The following SLC24A5 variants were observed in gnomAD, a reference collection of about 807,000 sequenced individuals.
SLC24A5 encodes sodium/potassium/calcium exchanger 5.
In SLC24A5, 46 loss-of-function variants were observed where a neutral mutation model predicts 51.6. The ratio of observed to expected loss-of-function variants is 0.89; its 90% CI spans 0.70 to 1.14. The LOEUF (loss-of-function observed/expected upper bound fraction) is 1.14. SLC24A5 is among the 50% of genes most tolerant of loss of function. The probability of loss-of-function intolerance (pLI) is 0.00; values close to 1 mark genes in which losing one functional copy is unlikely to be tolerated. For missense variants in SLC24A5, 581 were observed against 604.1 expected (o/e 0.96, Z 0.40); for synonymous variants, 230 against 214.9 (o/e 1.07, Z -0.62).
In SLC24A5 at chr15:48,135,014, A is replaced by C. The variant is rs368384996; in HGVS notation, c.590+30A>C. ...GCTTGAAAATAATTCTTATGTAAAA[A>C]TTAGAGATTTTATGAATTTCTGATG... is the stretch of plus-strand genomic sequence containing the variant. On this transcript the variant is annotated intron_variant, in intron 5 of 8. Coordinates refer to ENST00000341459, the MANE Select transcript of SLC24A5 (RefSeq NM_205850.3). The C allele has an allele frequency of 2.0e-4, 308 of 1,531,528 alleles. No homozygotes were observed. The African/African-American group carries it at 3.7e-3, about 19-fold the overall frequency. 94.9% of individuals were successfully genotyped at this position (1,531,528 alleles called of 1,614,324 possible).
Position 48,138,944 on chromosome 15 carries a change from A to G in SLC24A5, c.872-25A>G, listed in dbSNP as rs765898935. On this transcript the variant is annotated intron_variant, in intron 6 of 8. Coordinates refer to ENST00000341459, the MANE Select transcript of SLC24A5 (RefSeq NM_205850.3). ...TTAATTAGCCATTTGAGAAAACTCA[A>G]AAGTGTTTACTTTTTCCACAACAGA... 1.5e-5 allele frequency: 24 copies of G among 1,574,966 alleles called. No individual in the cohort carries two copies. The Middle Eastern group carries it at 5.1e-4, about 34-fold the overall frequency.
In SLC24A5 at chr15:48,142,213, A is replaced by T. The variant is rs1296434873; in HGVS notation, c.1365A>T (p.Ala455=). The change falls in exon 9 of 9, where the codon GCA becomes GCT. Residue 455 remains alanine, a synonymous_variant. Coordinates refer to ENST00000341459, the MANE Select transcript of SLC24A5 (RefSeq NM_205850.3). ...LNISIIFLFL[A]VHFNGWKLDR... is the part of the protein sequence containing the mutation. Reference sequence around the variant, plus strand: ...TTTCAATTATTTTTCTTTTTTTAGCAGTTCACTTCAATGGCTGGAAACTAG... The same window carrying T: ...TTTCAATTATTTTTCTTTTTTTAGCTGTTCACTTCAATGGCTGGAAACTAG... 5.6e-6 allele frequency: 9 copies of T among 1,613,686 alleles called. No homozygotes were observed. Among genetic ancestry groups the T allele is most frequent in the Non-Finnish European group, 7.6e-6 (9 of 1,179,868 alleles).
rs1056881664 is a variant in SLC24A5 at position 48,141,342 on chromosome 15, G to A, written c.1180+128G>A. 7.7e-6 allele frequency: 5 copies of A among 649,752 alleles called. No individual in the cohort carries two copies. In the African/African-American group the frequency reaches 9.2e-5, roughly 12 times the overall value. The allele number at this position is 649,752 out of a possible 1,614,324, so 40.2% of individuals were successfully genotyped here. A position where few individuals can be genotyped will look rare whatever the true frequency, so the allele number is the denominator to read the frequency against. On this transcript the variant is annotated intron_variant, in intron 8 of 8. Transcript: ENST00000341459. The stretch of plus-strand genomic sequence containing the variant: ...GCCTGTAATCCCAGGATTTTGGGAG[G>A]CCGAGGCGGGTGGATCACGAGGTCA...
chr15:48,126,989 C>T (rs1212983059), intron 2 of SLC24A5, among the ~76,000 whole-genome samples: 4 of 152,052 alleles, frequency 2.6e-5, no homozygotes, highest in Admixed American at 2.0e-4. Context: ...AGGACACAGC[C>T]GTCATATGCT....
chr15:48,134,583 T>G (rs1165989118), intron 4 of SLC24A5, 45 bp downstream of exon 4: 2 of 1,490,546 alleles, frequency 1.3e-6, no homozygotes, highest in Middle Eastern at 1.9e-4. Context: ...CTTAAAAAAT[T>G]CTAAAGATAA....
chr15:48,136,584 A>G (rs1328195781), intron 5 of SLC24A5, 99 bp from the exon 6 acceptor site: 11 of 1,115,602 alleles, frequency 9.9e-6, no homozygotes, highest in East Asian at 2.4e-5. Flanking sequence ...TTCTATGGCT[A>G]CTTTTGTTAG....
rs780484774 is a variant in SLC24A5, at chr15:48,134,566, G to A, written c.489+28G>A. 1.4e-5 allele frequency: 22 copies of A among 1,558,168 alleles called. No individual in the cohort carries two copies. In the East Asian group the frequency reaches 2.0e-4, roughly 14 times the overall value. On this transcript the variant is annotated intron_variant, in intron 4 of 8. Coordinates refer to ENST00000341459, the MANE Select transcript of SLC24A5 (RefSeq NM_205850.3). Reference sequence around the variant, plus strand: ...ATGTAACAAAACCATTCAACAAAATGTATTGTCTTAAAAAATTCTAAAGAT... The same window carrying A: ...ATGTAACAAAACCATTCAACAAAATATATTGTCTTAAAAAATTCTAAAGAT...
At chr15:48,137,092 A>T in intron 6 of SLC24A5, 129 bp downstream of exon 6, 2 of 981,430 alleles carry the variant, frequency 2.0e-6, no homozygotes, top group Non-Finnish European at 1.5e-6. Flanking sequence ...AATGATAAAG[A>T]CCAAGTCCCT....
Position 48,142,161 on chromosome 15 carries a change from TA to T in SLC24A5, c.1315del (p.Thr439LeufsTer3). On this transcript the variant is annotated frameshift_variant, in exon 9 of 9. Coordinates refer to ENST00000341459, the MANE Select transcript of SLC24A5 (RefSeq NM_205850.3). LOFTEE classifies it high-confidence loss of function. ...SAPAEVNSRGLTYITISLNIS... is the reference protein window; with the variant it reads ...SAPAEVNSRGXTYITISLNIS... ...CCTGCAGAAGTAAACAGCAGAGGAC[TA>T]ACTTACATAACCATCTCTCTCAACA... is the stretch of plus-strand genomic sequence containing the variant. 2 of 1,613,922 alleles carry T rather than the reference TA, an allele frequency of 1.2e-6. No homozygotes were observed.
chr15:48,141,993 G>T (rs764184107), intron 8 of SLC24A5, 36 bp from the exon 9 acceptor site: 1 of 1,450,620 alleles, frequency 6.9e-7, no homozygotes, highest in Non-Finnish European at 9.5e-7. Context: ...CACAGTATTG[G>T]TAAGCACATT....
At chr15:48,135,035 TG>T in intron 5 of SLC24A5, 51 bp downstream of exon 5, 1 of 1,431,224 alleles carries the variant, frequency 7.0e-7, no homozygotes, top group Non-Finnish European at 9.8e-7. Flanking sequence ...TATGAATTTC[TG>T]ATGGTTCAGT....
chr15:48,136,678 T>C lies in SLC24A5; in HGVS notation c.591-5T>C. ...AATTTAAAAACACAAATTTCTCTTT[T>C]GTAGGTATGAAGGGGCTTTACTGCT... On this transcript the variant is annotated splice_region_variant and splice_polypyrimidine_tract_variant and intron_variant, in intron 5 of 8. Transcript: ENST00000341459. The C allele has an allele frequency of 6.3e-7, 1 of 1,582,842 alleles. No individual in the cohort carries two copies. The highest frequency in any genetic ancestry group is 8.6e-7 in the Non-Finnish European group (1 of 1,164,580).
intron 2 of SLC24A5, among the ~76,000 whole-genome samples, chr15:48,133,882 A>G (rs2038828999): frequency 6.6e-6 from 1 of 151,732 alleles, no homozygotes; most frequent in Non-Finnish European, 1.5e-5. Flanking sequence ...ATACATCTAA[A>G]AAACTAACAT....
intron 2 of SLC24A5, among the ~76,000 whole-genome samples, chr15:48,130,087 G>A (rs957795929): frequency 3.3e-5 from 5 of 151,970 alleles, no homozygotes; most frequent in Admixed American, 1.3e-4. Flanking sequence ...TCATTACCAC[G>A]AAGTTGTACT....
At chr15:48,128,058 C>T (rs1364449320) in intron 2 of SLC24A5, among the ~76,000 whole-genome samples, 4 of 151,658 alleles carry the variant, frequency 2.6e-5, no homozygotes, top group Admixed American at 6.6e-5. Context: ...TGTCTAATCT[C>T]TCTAAGCAGT....
chr15:48,121,118 T>C lies in SLC24A5; in HGVS notation c.74T>C (p.Leu25Pro). The part of the protein sequence containing the change: ...LLGILWATAH[L>P]PLSGTSLPQR... ...GGCATCCTGTGGGCCACTGCACATC[T>C]GCCTCTCTCAGGGACCTCCCTGCCC... is the stretch of plus-strand genomic sequence containing the variant. Residue 25 changes from leucine (L) to proline (P), a missense_variant, in exon 1 of 9, where the codon CTG becomes CCG. Physicochemically the swap from Leu to Pro is moderately conservative, Grantham distance 98. Coordinates refer to ENST00000341459, the MANE Select transcript of SLC24A5 (RefSeq NM_205850.3). 6.2e-7 allele frequency: 1 copy of C among 1,613,860 alleles called. No individual in the cohort carries two copies. Among genetic ancestry groups the C allele is most frequent in the Non-Finnish European group, 8.5e-7 (1 of 1,179,880 alleles).
chr15:48,137,009 A>C, intron 6 of SLC24A5, 46 bp downstream of exon 6: 2 of 1,536,980 alleles, frequency 1.3e-6, no homozygotes, highest in Non-Finnish European at 1.8e-6. Context: ...CGCAAAGGAA[A>C]AACTTTAAAA....
chr15:48,136,965 T>C lies in SLC24A5; in HGVS notation c.871+2T>C, dbSNP rs757960224. 2.5e-6 allele frequency: 4 copies of C among 1,604,214 alleles called. No homozygotes were observed. The Admixed American group carries it at 6.7e-5, about 27-fold the overall frequency. ...ATGGCCTTAGTCAGGTTTCTGAAGG[T>C]AATCACTAAATCTTGCCCATTATTA... On this transcript the variant is annotated splice_donor_variant, in intron 6 of 8. Coordinates refer to ENST00000341459, the MANE Select transcript of SLC24A5 (RefSeq NM_205850.3). LOFTEE classifies it high-confidence loss of function.
In SLC24A5 at chr15:48,134,263, G is replaced by C. The variant is rs757041679; in HGVS notation, c.307G>C (p.Gly103Arg). The stretch of plus-strand genomic sequence containing the variant: ...ATCATTTCATTTATGTTCAGCCCTT[G>C]GATTGTCTCAGGATGTTGCAGGCAC... Reference protein sequence around the residue: ...PSLEIISESLGLSQDVAGTTF... With the variant: ...PSLEIISESLRLSQDVAGTTF... The change falls in exon 3 of 9, where the codon GGA (glycine) becomes CGA (arginine). Residue 103 changes from glycine to arginine, a missense_variant. Transcript: ENST00000341459. 1 of 1,613,280 alleles carries C rather than the reference G, an allele frequency of 6.2e-7. No homozygotes were observed. Among genetic ancestry groups the C allele is most frequent in the Non-Finnish European group, 8.5e-7 (1 of 1,179,502 alleles).
Sources: allele counts gnomAD v4.1 joint callset (sites outside exome capture counted in the v4.1 genomes callset), GRCh38; gene constraint gnomAD v4.1.1; transcripts MANE v1.5; gene names NCBI Gene and HGNC (gene_info 2026-07-23, HGNC 2026-07-21).